Variants in RPH3A observed in about 807,000 individuals in gnomAD.
The protein encoded by RPH3A is rabphilin-3A.
In RPH3A, 48 loss-of-function variants were observed where a neutral mutation model predicts 102.2. That is an observed-to-expected ratio of 0.47 (90% CI 0.37 to 0.60). The LOEUF (loss-of-function observed/expected upper bound fraction) is 0.60. Among genes scored for constraint, RPH3A ranks in the 20% least tolerant of loss-of-function variants. RPH3A has a pLI of 0.00. For missense variants in RPH3A, 781 were observed against 910.1 expected (o/e 0.86, Z 1.83); for synonymous variants, 310 against 324.3 (o/e 0.96, Z 0.47).
intron 1 of RPH3A, among the ~76,000 whole-genome samples, chr12:112,710,664 A>G (rs1403111331): frequency 2.0e-5 from 3 of 152,218 alleles, no homozygotes; most frequent in Non-Finnish European, 4.4e-5. Context: ...AGCTTAACAT[A>G]CAGAAGAGAA....
chr12:112,721,897 G>T (rs2040554169), intron 1 of RPH3A, among the ~76,000 whole-genome samples: 1 of 152,114 alleles, frequency 6.6e-6, no homozygotes, highest in Non-Finnish European at 1.5e-5. Flanking sequence ...GCATTTCCAA[G>T]TTCCATTAAC....
chr12:112,890,388 A>G (rs1033341587), intron 18 of RPH3A, among the ~76,000 whole-genome samples: 10 of 152,318 alleles, frequency 6.6e-5, no homozygotes, highest in African/African-American at 2.2e-4. Context: ...GAGTAGATGC[A>G]TTCTTTGAGC....
At chr12:112,841,191 A>AAAAAAAAAAAAAAAAAAAAAAAAAC (rs2042136612) in intron 4 of RPH3A, among the ~76,000 whole-genome samples, 1 of 150,304 alleles carries the variant, frequency 6.7e-6, no homozygotes, top group African/African-American at 2.4e-5. Flanking sequence ...AAAAAAAAAA[A>AAAAAAAAAAAAAAAAAAAAAAAAAC]AAAGCCTCGT....
chr12:112,869,083 A>T (rs2042661152), intron 8 of RPH3A: 1 of 154,328 alleles, frequency 6.5e-6, no homozygotes, highest in Non-Finnish European at 1.4e-5. Context: ...TATCACTATT[A>T]TCCAAGTATT....
At chr12:112,871,162 C>A (rs566538239) in intron 10 of RPH3A, among the ~76,000 whole-genome samples, 1 of 152,052 alleles carries the variant, frequency 6.6e-6, no homozygotes, top group Non-Finnish European at 1.5e-5. Context: ...TTTGACAATG[C>A]CTTTTAAAAT....
At chr12:112,881,697 C>A in intron 14 of RPH3A, 75 bp from the exon 15 acceptor site, 1 of 1,027,158 alleles carries the variant, frequency 9.7e-7, no homozygotes, top group South Asian at 1.5e-5. Context: ...ATGCCAGGGG[C>A]TATGCCCATT....
intron 5 of RPH3A, among the ~76,000 whole-genome samples, chr12:112,862,593 A>G (rs1359276644): frequency 6.7e-6 from 1 of 150,258 alleles, no homozygotes; most frequent in Non-Finnish European, 1.5e-5. Flanking sequence ...TCTAGGGAAG[A>G]TGGGGTGGGT....
chr12:112,629,165 C>T (rs531584540), intron 1 of RPH3A, among the ~76,000 whole-genome samples: 2 of 152,172 alleles, frequency 1.3e-5, no homozygotes, highest in East Asian at 3.9e-4. Context: ...TATTGATTGG[C>T]TCTAGATAAA....
At chr12:112,605,712 T>C (rs1380004661) in intron 1 of RPH3A, among the ~76,000 whole-genome samples, 2 of 152,236 alleles carry the variant, frequency 1.3e-5, no homozygotes, top group Non-Finnish European at 2.9e-5. Flanking sequence ...CTTTCTCCCC[T>C]AAGCCTTTTG....
intron 1 of RPH3A, among the ~76,000 whole-genome samples, chr12:112,750,060 A>C (rs1184465111): frequency 6.6e-6 from 1 of 152,126 alleles, no homozygotes; most frequent in African/African-American, 2.4e-5. Context: ...CTTCACACTG[A>C]AGGTGAAGGA....
intron 1 of RPH3A, among the ~76,000 whole-genome samples, chr12:112,786,176 C>T (rs911357899): frequency 6.6e-6 from 1 of 152,004 alleles, no homozygotes; most frequent in African/African-American, 2.4e-5. Context: ...CTGGCAGAGC[C>T]TTGCCTGGTA....
At chr12:112,652,268 G>A (rs955094794) in intron 1 of RPH3A, among the ~76,000 whole-genome samples, 2 of 152,056 alleles carry the variant, frequency 1.3e-5, no homozygotes, top group African/African-American at 4.8e-5. Flanking sequence ...TTGAAGCCAG[G>A]AGTTCGAGAC....
intron 2 of RPH3A, among the ~76,000 whole-genome samples, chr12:112,801,855 T>C (rs2041360189): frequency 6.6e-6 from 1 of 152,218 alleles, no homozygotes; most frequent in Non-Finnish European, 1.5e-5. Flanking sequence ...CTATTGCTTG[T>C]ATATGTCCCT....
chr12:112,738,727 G>A (rs759334575), intron 1 of RPH3A, among the ~76,000 whole-genome samples: 3 of 152,080 alleles, frequency 2.0e-5, no homozygotes, highest in Admixed American at 6.6e-5. Context: ...AATTAAACCC[G>A]TCCCATCACA....
chr12:112,833,002 T>C (rs928026165), intron 3 of RPH3A, among the ~76,000 whole-genome samples: 16 of 144,446 alleles, frequency 1.1e-4, no homozygotes, highest in African/African-American at 3.6e-4. Flanking sequence ...AGTGGCACAA[T>C]CTTGGCTCGC....
intron 2 of RPH3A, among the ~76,000 whole-genome samples, chr12:112,804,419 C>A (rs1565890318): frequency 6.6e-6 from 1 of 152,236 alleles, no homozygotes; most frequent in Admixed American, 6.5e-5. Context: ...GACCACCCAA[C>A]AGTGCTTGCT....
chr12:112,651,141 C>A (rs2039972157), intron 1 of RPH3A, among the ~76,000 whole-genome samples: 1 of 151,860 alleles, frequency 6.6e-6, no homozygotes, highest in African/African-American at 2.4e-5. Context: ...GGGTGGATCG[C>A]TTGAGCTCAG....
chr12:112,732,128 G>T (rs998719193), intron 1 of RPH3A, among the ~76,000 whole-genome samples: 1 of 152,182 alleles, frequency 6.6e-6, no homozygotes, highest in Non-Finnish European at 1.5e-5. Flanking sequence ...ATGAACTTCA[G>T]TGTTCTCTGA....
intron 1 of RPH3A, among the ~76,000 whole-genome samples, chr12:112,627,855 G>A (rs763274758): frequency 5.9e-5 from 9 of 152,026 alleles, no homozygotes; most frequent in Non-Finnish European, 1.3e-4. Context: ...AAGAAAAGAG[G>A]TTTACTTGGC....
Sources: allele counts gnomAD v4.1 joint callset (sites outside exome capture counted in the v4.1 genomes callset), GRCh38; gene constraint gnomAD v4.1.1; transcripts MANE v1.5; gene names NCBI Gene and HGNC (gene_info 2026-07-23, HGNC 2026-07-21).